RYR3: variants seen among roughly 807,000 people sequenced by gnomAD.
RYR3 encodes the protein brain ryanodine receptor-calcium release channel.
RYR3 carries 207 observed loss-of-function variants against 584.3 expected under a neutral mutation model. The observed-to-expected ratio is 0.35, with a 90% confidence interval of 0.32 to 0.40. The LOEUF is 0.40. RYR3 is among the 10% of genes least tolerant of loss of function. The pLI is 1.00. For synonymous variants in RYR3, 2,416 were observed against 2,248.5 expected, an observed-to-expected ratio of 1.07 and a Z score of -2.11; for missense variants, 5,616 against 6,089.2, an observed-to-expected ratio of 0.92 and a Z score of 2.59.
At chr15:33,445,350 G>A (rs1242847351) in intron 1 of RYR3, among the ~76,000 whole-genome samples, 1 of 152,138 alleles carries the variant, frequency 6.6e-6, no homozygotes, top group Non-Finnish European at 1.5e-5. Context: ...TTTGAGGTTT[G>A]AACAACTGGG....
chr15:33,768,605 C>T (rs377654028), intron 60 of RYR3, 53 bp from the exon 61 acceptor site: 224 of 1,521,618 alleles, frequency 1.5e-4, no homozygotes, highest in Non-Finnish European at 1.9e-4. Context: ...GGATACAAAG[C>T]GTGAGTCCTT....
intron 1 of RYR3, among the ~76,000 whole-genome samples, chr15:33,338,028 TC>T (rs973072386): frequency 7.2e-6 from 1 of 139,822 alleles, no homozygotes; most frequent in Non-Finnish European, 1.5e-5. Flanking sequence ...CACCGAAAGC[TC>T]CGCCTCTTGG....
intron 64 of RYR3, among the ~76,000 whole-genome samples, chr15:33,778,182 T>TAAATAAATAAATAAAC (rs1161396040): frequency 6.6e-6 from 1 of 151,578 alleles, no homozygotes; most frequent in Non-Finnish European, 1.5e-5. Flanking sequence ...AATAAATAAA[T>TAAATAAATAAATAAAC]AAATAAATAA....
intron 74 of RYR3, chr15:33,815,709 C>T (rs11072687): frequency 0.27 from 106,156 of 391,970 alleles, 14,795 homozygotes; most frequent in South Asian, 0.36. Context: ...AACTTCTCTT[C>T]TCCACCTTGT....
chr15:33,599,731 T>A (rs2152548058), intron 16 of RYR3, among the ~76,000 whole-genome samples: 1 of 152,354 alleles, frequency 6.6e-6, no homozygotes, highest in South Asian at 2.1e-4. Context: ...CAAACCCATT[T>A]GAACTATTTT....
intron 62 of RYR3, among the ~76,000 whole-genome samples, chr15:33,770,746 G>T (rs1236537994): frequency 8.6e-5 from 13 of 151,092 alleles, no homozygotes; most frequent in Admixed American, 8.6e-4. Context: ...AAAAAAAAAA[G>T]TTAGAAAGAT....
At chr15:33,548,972 G>A (rs756595390) in intron 9 of RYR3, among the ~76,000 whole-genome samples, 2 of 152,016 alleles carry the variant, frequency 1.3e-5, no homozygotes, top group South Asian at 2.1e-4. Context: ...TCTCTCTCAC[G>A]CAGGGTATAT....
At chr15:33,540,735 T>A in intron 6 of RYR3, 56 bp from the exon 7 acceptor site, 3 of 1,081,036 alleles carry the variant, frequency 2.8e-6, no homozygotes, top group South Asian at 2.5e-5. Context: ...GTGAGCTGTT[T>A]CTGTCGGCAC....
At chr15:33,859,492 C>A in intron 99 of RYR3, 83 bp from the exon 100 acceptor site, 1 of 1,513,152 alleles carries the variant, frequency 6.6e-7, no homozygotes, top group Non-Finnish European at 9.1e-7. Flanking sequence ...CACAATCTGA[C>A]CGAATCATAT....
At chr15:33,454,197 A>G (rs765605936) in intron 1 of RYR3, among the ~76,000 whole-genome samples, 9 of 152,210 alleles carry the variant, frequency 5.9e-5, no homozygotes, top group Non-Finnish European at 8.8e-5. Flanking sequence ...GTAAAGAGAG[A>G]AATTGAAGAC....
At chr15:33,572,651 C>CTA (rs1301383818) in intron 12 of RYR3, among the ~76,000 whole-genome samples, 26 of 128,548 alleles carry the variant, frequency 2.0e-4, no homozygotes, top group Non-Finnish European at 2.8e-4. Context: ...AAAAAAAAAA[C>CTA]TATATATACA....
chr15:33,567,570 G>C (rs2057781895), intron 12 of RYR3, among the ~76,000 whole-genome samples: 1 of 152,182 alleles, frequency 6.6e-6, no homozygotes, highest in Non-Finnish European at 1.5e-5. Flanking sequence ...TTGCAGTTCA[G>C]AGTAAACTTG....
intron 36 of RYR3, among the ~76,000 whole-genome samples, chr15:33,667,298 A>G (rs527353730): frequency 9.9e-5 from 15 of 152,228 alleles, no homozygotes; most frequent in African/African-American, 3.4e-4. Context: ...CAGGTGTTCA[A>G]TGACCTGGGG....
At chr15:33,741,573 G>A (rs2070114757) in intron 51 of RYR3, among the ~76,000 whole-genome samples, 1 of 151,972 alleles carries the variant, frequency 6.6e-6, no homozygotes, top group Admixed American at 6.6e-5. Flanking sequence ...GAAATAGCAG[G>A]TGTCTACTGT....
chr15:33,818,673 C>T lies in RYR3; in HGVS notation c.10695C>T (p.Leu3565=). The T allele has an allele frequency of 6.2e-7, 1 of 1,613,482 alleles. No individual in the cohort carries two copies. The highest frequency in any genetic ancestry group is 8.5e-7 in the Non-Finnish European group (1 of 1,179,616). ...TTCTCTATTTTAGCCGCAACGCTCTCACGGAGAGGAGGTCAGAACCACCAG... is the reference window on the plus strand; with the variant it reads ...TTCTCTATTTTAGCCGCAACGCTCTTACGGAGAGGAGGTCAGAACCACCAG... The part of the protein sequence containing the change: ...QIILYFSRNA[L]TERSKLEDDP... Residue 3565 remains leucine (L), a synonymous_variant, in exon 76 of 104, where the codon CTC becomes CTT. Coordinates refer to ENST00000634891, the MANE Select transcript of RYR3 (RefSeq NM_001036.6).
intron 16 of RYR3, among the ~76,000 whole-genome samples, chr15:33,599,561 T>C (rs2059562289): frequency 6.6e-6 from 1 of 152,220 alleles, no homozygotes; most frequent in South Asian, 2.1e-4. Context: ...TACATTCTTC[T>C]GAGTTTCTGA....
At chr15:33,710,129 C>T (rs1395919703) in intron 43 of RYR3, among the ~76,000 whole-genome samples, 1 of 152,122 alleles carries the variant, frequency 6.6e-6, no homozygotes, top group Non-Finnish European at 1.5e-5. Context: ...TAAAGAAATA[C>T]CTGAGACTTG....
At chr15:33,360,714 C>T (rs1595850189) in intron 1 of RYR3, among the ~76,000 whole-genome samples, 1 of 152,330 alleles carries the variant, frequency 6.6e-6, no homozygotes, top group East Asian at 1.9e-4. Context: ...CAGTGACATT[C>T]CCAAGAACAC....
chr15:33,811,178 T>C (rs1482882938), intron 72 of RYR3, 141 bp downstream of exon 72: 1 of 715,332 alleles, frequency 1.4e-6, no homozygotes, highest in African/African-American at 1.8e-5. Flanking sequence ...TTGGTAGGAC[T>C]AGCTCTCTCT....
Sources: allele counts gnomAD v4.1 joint callset (sites outside exome capture counted in the v4.1 genomes callset), GRCh38; gene constraint gnomAD v4.1.1; transcripts MANE v1.5; gene names NCBI Gene and HGNC (gene_info 2026-07-23, HGNC 2026-07-21).